The following RPTOR variants were observed in gnomAD, a reference collection of about 807,000 sequenced individuals.
RPTOR encodes regulatory-associated protein of mTOR.
A neutral mutation model predicts 169.9 loss-of-function variants in RPTOR; 21 were observed. The ratio of observed to expected loss-of-function variants is 0.12; its 90% CI spans 0.09 to 0.18. The LOEUF is 0.18. Ranked by LOEUF, RPTOR falls within the 10% of genes least tolerant of loss-of-function variation. The pLI is 1.00. For synonymous variants in RPTOR, 732 were observed against 753.2 expected, an observed-to-expected ratio of 0.97 and a Z score of 0.46; for missense variants, 1,133 against 1,855.9, an observed-to-expected ratio of 0.61 and a Z score of 7.16.
Position 80,585,175 on chromosome 17 carries a change from A to C in RPTOR, c.162+39384A>C, listed in dbSNP as rs1315935636. Among the ~76,000 whole-genome samples, 6 of 4,068 alleles carry C rather than the reference A, an allele frequency of 1.5e-3. No homozygotes were observed. In the South Asian group the frequency reaches 0.016, roughly 11 times the overall value. The allele number at this position is 4,068 out of a possible 152,430, so 2.7% of individuals were successfully genotyped here. A position where few individuals can be genotyped will look rare whatever the true frequency, so the allele number is the denominator to read the frequency against. ...TGTTTCAGTGCTTTGGTTTATTATT[A>C]TTATTATTATTATTATTATTATTAT... On this transcript the variant is annotated intron_variant, in intron 1 of 33. Transcript: ENST00000306801.
intron 6 of RPTOR, chr17:80,773,901 C>T: frequency 1.0e-6 from 1 of 985,424 alleles, no homozygotes; most frequent in Non-Finnish European, 1.2e-6. Context: ...CTGATTCCCT[C>T]CAGACAGCTC....
chr17:80,605,382 G>A (rs2065221220), intron 1 of RPTOR, among the ~76,000 whole-genome samples: 1 of 152,184 alleles, frequency 6.6e-6, no homozygotes, highest in African/African-American at 2.4e-5. Context: ...AAAAGAAGGT[G>A]GGGAGGTGGT....
At chr17:80,660,462 A>G (rs559418768) in intron 3 of RPTOR, among the ~76,000 whole-genome samples, 1 of 152,016 alleles carries the variant, frequency 6.6e-6, no homozygotes, top group Non-Finnish European at 1.5e-5. Flanking sequence ...GGCACCTTAG[A>G]GTTTATGAAA....
chr17:80,856,926 C>T (rs1347909749), intron 12 of RPTOR, among the ~76,000 whole-genome samples: 6 of 152,196 alleles, frequency 3.9e-5, no homozygotes, highest in Non-Finnish European at 8.8e-5. Context: ...CCCAGCCACC[C>T]GAACCAGAGA....
chr17:80,802,122 G>A (rs1369564373), intron 7 of RPTOR: 2 of 152,236 alleles, frequency 1.3e-5, no homozygotes, highest in Non-Finnish European at 2.9e-5. Context: ...GAATGTGAGA[G>A]GTTCAGAGGC....
At chr17:80,653,574 G>A (rs866870804) in intron 3 of RPTOR, among the ~76,000 whole-genome samples, 1 of 152,196 alleles carries the variant, frequency 6.6e-6, no homozygotes, top group Non-Finnish European at 1.5e-5. Flanking sequence ...CAGAGTGGCC[G>A]AGGAGCTGGG....
rs11870945 is a variant in RPTOR at position 80,560,058 on chromosome 17, T to C, written c.162+14267T>C. Among the ~76,000 whole-genome samples, 1,221 of 152,332 alleles carry C rather than the reference T, an allele frequency of 8.0e-3. 24 individuals carry two copies. Among genetic ancestry groups the C allele is most frequent in the African/African-American group, 0.028 (1,158 of 41,582 alleles). On this transcript the variant is annotated intron_variant, in intron 1 of 33. Coordinates refer to ENST00000306801, the MANE Select transcript of RPTOR (RefSeq NM_020761.3). ...GACGGAAGACGTGGTCATGGCCCTGTAGGAATTTACATCTTATAAGAGAAA... is the reference window on the plus strand; with the variant it reads ...GACGGAAGACGTGGTCATGGCCCTGCAGGAATTTACATCTTATAAGAGAAA...
chr17:80,704,812 C>T (rs1259297291), intron 3 of RPTOR, among the ~76,000 whole-genome samples: 1 of 152,130 alleles, frequency 6.6e-6, no homozygotes, highest in South Asian at 2.1e-4. Flanking sequence ...CAGAATTTAC[C>T]GTCTACACAG....
At chr17:80,764,248 G>A (rs899173750) in intron 6 of RPTOR, among the ~76,000 whole-genome samples, 5 of 149,594 alleles carry the variant, frequency 3.3e-5, no homozygotes, top group African/African-American at 1.2e-4. Context: ...TGACATGCTG[G>A]TGTGCTGCAC....
At chr17:80,838,430 G>A (rs1339309390) in intron 10 of RPTOR, among the ~76,000 whole-genome samples, 1 of 152,218 alleles carries the variant, frequency 6.6e-6, no homozygotes, top group Non-Finnish European at 1.5e-5. Context: ...CACGGGCGCT[G>A]GAGAGCTGAG....
intron 4 of RPTOR, among the ~76,000 whole-genome samples, chr17:80,720,746 G>A (rs1031254915): frequency 4.3e-4 from 66 of 152,318 alleles, no homozygotes; most frequent in African/African-American, 1.5e-3. Context: ...GCAGGCTCAC[G>A]GAGCCACAGA....
intron 21 of RPTOR, among the ~76,000 whole-genome samples, chr17:80,920,096 A>G (rs1231164848): frequency 6.6e-6 from 1 of 152,204 alleles, no homozygotes; most frequent in Non-Finnish European, 1.5e-5. Context: ...GGCAGGGACC[A>G]GCAGAAAGGA....
intron 5 of RPTOR, among the ~76,000 whole-genome samples, chr17:80,734,116 T>G (rs1267179153): frequency 6.6e-6 from 1 of 152,262 alleles, no homozygotes; most frequent in Non-Finnish European, 1.5e-5. Context: ...GCTCAGTGGC[T>G]AGAGTACTGT....
chr17:80,797,245 A>AC (rs1454756731), intron 7 of RPTOR, among the ~76,000 whole-genome samples: 5 of 151,746 alleles, frequency 3.3e-5, no homozygotes, highest in Non-Finnish European at 7.4e-5. Flanking sequence ...TGATCCTCCC[A>AC]CCTCAGCCAC....
At position 80,908,795 on chromosome 17, in the gene RPTOR, C is replaced by T. The variant is rs1365188578; in HGVS notation, c.2402-16C>T. ...AGCTACTTTCCACTAAAACATCTTC[C>T]ATTTCTCTCTCTCAGGAGTTTCCTT... On this transcript the variant is annotated splice_polypyrimidine_tract_variant and intron_variant, in intron 20 of 33. Transcript: ENST00000306801. 1 of 1,587,020 alleles carries T rather than the reference C, an allele frequency of 6.3e-7. No homozygotes were observed. Among genetic ancestry groups the T allele is most frequent in the South Asian group, 1.1e-5 (1 of 90,252 alleles).
intron 1 of RPTOR, among the ~76,000 whole-genome samples, chr17:80,622,199 T>C (rs886679770): frequency 6.6e-6 from 1 of 152,174 alleles, no homozygotes; most frequent in African/African-American, 2.4e-5. Context: ...ACTTGGAACT[T>C]GCGCCAGGGT....
chr17:80,837,857 G>A, intron 9 of RPTOR, 65 bp from the exon 10 acceptor site: 1 of 1,482,422 alleles, frequency 6.7e-7, no homozygotes, highest in Non-Finnish European at 9.3e-7. Context: ...CCTGTGCCCT[G>A]TGAAGTGGCC....
chr17:80,728,130 G>T (rs796683389), intron 4 of RPTOR, among the ~76,000 whole-genome samples: 5 of 152,210 alleles, frequency 3.3e-5, no homozygotes, highest in African/African-American at 9.6e-5. Flanking sequence ...AATCATTTTT[G>T]ATTCATTTTT....
Position 80,836,114 on chromosome 17 carries a change from C to T in RPTOR, c.1137-1808C>T, listed in dbSNP as rs573549963. 4.6e-5 allele frequency among the ~76,000 whole-genome samples: 7 copies of T among 152,314 alleles called. No homozygotes were observed. In the South Asian group the frequency reaches 1.5e-3, roughly 32 times the overall value. ...GAGCCACACGCTGAATTTCACCAAG[C>T]AGCCTCCCACACGGGCTCCCTGGTC... is the stretch of plus-strand genomic sequence containing the variant. On this transcript the variant is annotated intron_variant, in intron 9 of 33. Coordinates refer to ENST00000306801, the MANE Select transcript of RPTOR (RefSeq NM_020761.3).
Sources: allele counts gnomAD v4.1 joint callset (sites outside exome capture counted in the v4.1 genomes callset), GRCh38; gene constraint gnomAD v4.1.1; transcripts MANE v1.5; gene names NCBI Gene and HGNC (gene_info 2026-07-23, HGNC 2026-07-21).